RETSAT: variants seen among roughly 807,000 people sequenced by gnomAD.
RETSAT encodes the protein retinol saturase.
Under a neutral mutation model 61.6 loss-of-function variants are expected in RETSAT, and 35 were observed. The observed-to-expected ratio is 0.57, with a 90% confidence interval of 0.43 to 0.75. The LOEUF (loss-of-function observed/expected upper bound fraction) is 0.75. Among genes scored for constraint, RETSAT ranks in the 30% least tolerant of loss-of-function variants. The pLI, the probability that RETSAT is intolerant of heterozygous loss-of-function variation, is 0.00. For synonymous variants in RETSAT, 277 were observed against 310.4 expected, an observed-to-expected ratio of 0.89 and a Z score of 1.13; for missense variants, 670 against 759.5, an observed-to-expected ratio of 0.88 and a Z score of 1.38.
rs776260476 is a variant in RETSAT, at chr2:85,344,366, G to A, written c.1257-18C>T. On this transcript the variant is annotated intron_variant, in intron 7 of 10. Coordinates refer to ENST00000295802, the MANE Select transcript of RETSAT (RefSeq NM_017750.4). ...GCTCCATCCTGCATGTGACAAGAGT[G>A]TGGTGGGATCTCCAGGTTTTTGTCC... The A allele has an allele frequency of 1.2e-6, 2 of 1,611,428 alleles. No individual in the cohort carries two copies. Among genetic ancestry groups the A allele is most frequent in the Non-Finnish European group, 1.7e-6 (2 of 1,177,652 alleles).
chr2:85,352,938 G>A (rs1435390735), intron 1 of RETSAT, among the ~76,000 whole-genome samples: 1 of 152,168 alleles, frequency 6.6e-6, no homozygotes, highest in Non-Finnish European at 1.5e-5. Context: ...CACAAGATCT[G>A]TTCTTTAACA....
Position 85,343,092 on chromosome 2 carries a change from TTG to T in RETSAT, c.*148_*149del. On this transcript the variant is annotated 3_prime_UTR_variant, in exon 11 of 11. Coordinates refer to ENST00000295802, the MANE Select transcript of RETSAT (RefSeq NM_017750.4). ...TGATTCCATTGCCCCAGATTCGGAA[TTG>T]TGATTTAAACTAGGCCTCTCTTCAG... 1 of 1,134,050 alleles carries T rather than the reference TTG, an allele frequency of 8.8e-7. No homozygotes were observed. Among genetic ancestry groups the T allele is most frequent in the Non-Finnish European group, 1.3e-6 (1 of 796,640 alleles). 70.2% of individuals were successfully genotyped at this position (1,134,050 alleles called of 1,614,324 possible).
intron 6 of RETSAT, among the ~76,000 whole-genome samples, chr2:85,345,221 G>A (rs904288186): frequency 5.3e-5 from 8 of 152,180 alleles, no homozygotes; most frequent in African/African-American, 1.9e-4. Context: ...AGGAAGGAGA[G>A]GCTGGCGCTG....
At chr2:85,345,216 GGA>G (rs1683173338) in intron 6 of RETSAT, among the ~76,000 whole-genome samples, 1 of 152,198 alleles carries the variant, frequency 6.6e-6, no homozygotes, top group African/African-American at 2.4e-5. Flanking sequence ...GGTGAAGGAA[GGA>G]GAGGCTGGCG....
At chr2:85,348,744 C>A (rs912605439) in intron 5 of RETSAT, among the ~76,000 whole-genome samples, 1 of 143,456 alleles carries the variant, frequency 7.0e-6, no homozygotes, top group East Asian at 2.1e-4. Context: ...CTTTATTTTT[C>A]TTTTCTTTTC....
chr2:85,350,284 G>A lies in RETSAT; in HGVS notation c.598-43C>T, dbSNP rs190795316. On this transcript the variant is annotated intron_variant, in intron 3 of 10. Transcript: ENST00000295802. ...GACAGCAGGCCTCACCTCTAGAACC[G>A]CTTTGACAGAACTGCTATCCCCATA... 1.8e-4 allele frequency: 270 copies of A among 1,467,410 alleles called. No individual in the cohort carries two copies. The African/African-American group carries it at 2.9e-3, about 16-fold the overall frequency. The allele number at this position is 1,467,410 out of a possible 1,614,324, so 90.9% of individuals were successfully genotyped here. A position where few individuals can be genotyped will look rare whatever the true frequency, so the allele number is the denominator to read the frequency against.
chr2:85,349,057 G>A (rs1208821452), intron 5 of RETSAT, among the ~76,000 whole-genome samples: 1 of 133,336 alleles, frequency 7.5e-6, no homozygotes, highest in East Asian at 2.3e-4. Flanking sequence ...CCATATTTTT[G>A]TTTTTTTTTT....
At position 85,351,678 on chromosome 2, in the gene RETSAT, AC is replaced by A; in HGVS notation, c.355+1del. The A allele has an allele frequency of 6.2e-7, 1 of 1,613,568 alleles. No individual in the cohort carries two copies. The highest frequency in any genetic ancestry group is 8.5e-7 in the Non-Finnish European group (1 of 1,179,610). ...CCCAACCCTTTTCCACACAAGCCTTACCTGTGTCAAATTCAAGGCCATTCTT... is the reference window on the plus strand; with the variant it reads ...CCCAACCCTTTTCCACACAAGCCTTACTGTGTCAAATTCAAGGCCATTCTT... On this transcript the variant is annotated splice_donor_variant, in intron 2 of 10. Transcript: ENST00000295802. LOFTEE classifies it high-confidence loss of function.
Position 85,350,945 on chromosome 2 carries a change from C to A in RETSAT, c.432G>T (p.Leu144=), listed in dbSNP as rs552902070. 6.2e-7 allele frequency: 1 copy of A among 1,614,184 alleles called. No individual in the cohort carries two copies. The highest frequency in any genetic ancestry group is 1.1e-5 in the South Asian group (1 of 91,086). The change falls in exon 3 of 11, where the codon CTG becomes CTT. Residue 144 remains leucine, a synonymous_variant. Transcript: ENST00000295802. ...AAGGAGAGGACAGGGGAGCCCAGTC[C>A]AGCTGCCCTTCAGTGATCTGGTCCA... The part of the protein sequence containing the change: ...FILDQITEGQ[L]DWAPLSSPFD...
chr2:85,346,132 C>G, intron 5 of RETSAT, 38 bp from the exon 6 acceptor site: 1 of 1,592,258 alleles, frequency 6.3e-7, no homozygotes, highest in Non-Finnish European at 8.6e-7. Context: ...TCTGTGAGCT[C>G]TGGGATGAAG....
At position 85,344,659 on chromosome 2, in the gene RETSAT, G is replaced by A. The variant is rs1258234075; in HGVS notation, c.1191C>T (p.Thr397=). The A allele has an allele frequency of 6.2e-7, 1 of 1,614,194 alleles. No individual in the cohort carries two copies. Among genetic ancestry groups the A allele is most frequent in the Non-Finnish European group, 8.5e-7 (1 of 1,180,046 alleles). The change falls in exon 7 of 11, where the codon ACC becomes ACT. Residue 397 remains threonine (T), a synonymous_variant. Transcript: ENST00000295802. ...TGGACGGCAGATGCAGGTCTTCCTT[G>A]GTGCCTCGCAGGCAGATGAAAACAG... ...MTSVFICLRG[T]KEDLHLPSTN... is the part of the protein sequence containing the mutation.
intron 1 of RETSAT, 61 bp downstream of exon 1, chr2:85,354,275 G>C: frequency 1.3e-6 from 2 of 1,591,902 alleles, no homozygotes; most frequent in Non-Finnish European, 1.7e-6. Flanking sequence ...GGCAAAATGA[G>C]AACCCAAATC....
chr2:85,350,230 A>C lies in RETSAT; in HGVS notation c.609T>G (p.Ser203Arg), dbSNP rs1683275967. The C allele has an allele frequency of 1.9e-6, 3 of 1,613,688 alleles. No individual in the cohort carries two copies. The South Asian group carries it at 3.3e-5, about 18-fold the overall frequency. The change falls in exon 4 of 11, where the codon AGT becomes AGG. Residue 203 changes from serine (S) to arginine (R), a missense_variant. Coordinates refer to ENST00000295802, the MANE Select transcript of RETSAT (RefSeq NM_017750.4). Reference sequence around the variant, plus strand: ...TCAACAGGATGGCATGAGGGGCTCCACTGGATACCACCTGGGGGAGTGAAT... The same window carrying C: ...TCAACAGGATGGCATGAGGGGCTCCCCTGGATACCACCTGGGGGAGTGAAT... ...KYIKLVKVVSSGAPHAILLKF... is the reference protein window; with the variant it reads ...KYIKLVKVVSRGAPHAILLKF...
At chr2:85,346,430 G>A (rs1310936421) in intron 5 of RETSAT, among the ~76,000 whole-genome samples, 1 of 152,158 alleles carries the variant, frequency 6.6e-6, no homozygotes, top group Non-Finnish European at 1.5e-5. Flanking sequence ...TTTCTCTGCT[G>A]CCAGAGTTGT....
rs544597601 is a variant in RETSAT, at chr2:85,351,725, C to T, written c.310G>A (p.Gly104Ser). 5.0e-6 allele frequency: 8 copies of T among 1,614,192 alleles called. 1 individual carries two copies. The East Asian group carries it at 8.9e-5, about 18-fold the overall frequency. Residue 104 changes from glycine to serine, a missense_variant, in exon 2 of 11, where the codon GGC becomes AGC. Coordinates refer to ENST00000295802, the MANE Select transcript of RETSAT (RefSeq NM_017750.4). ...LVLEQHTKAG[G>S]CCHTFGKNGL... ...TTCTTTCCAAAGGTATGACAGCAGC[C>T]CCCTGCCTTGGTATGTTGTTCCAGC...
At chr2:85,352,886 G>A (rs1361006267) in intron 1 of RETSAT, among the ~76,000 whole-genome samples, 1 of 152,210 alleles carries the variant, frequency 6.6e-6, no homozygotes, top group Non-Finnish European at 1.5e-5. Flanking sequence ...CTTCTCAGAA[G>A]ACAAAACTGG....
At chr2:85,349,783 C>G (rs1177168949) in intron 4 of RETSAT, 2 of 631,026 alleles carry the variant, frequency 3.2e-6, no homozygotes, top group African/African-American at 3.7e-5. Flanking sequence ...GAATACCCCC[C>G]CTGCAAACTG....
chr2:85,344,354 T>C lies in RETSAT; in HGVS notation c.1257-6A>G. 1.9e-6 allele frequency: 3 copies of C among 1,613,660 alleles called. No individual in the cohort carries two copies. Among genetic ancestry groups the C allele is most frequent in the Non-Finnish European group, 2.5e-6 (3 of 1,179,616 alleles). On this transcript the variant is annotated splice_polypyrimidine_tract_variant and splice_region_variant and intron_variant, in intron 7 of 10. Transcript: ENST00000295802. ...TGGAGACGTAGCGCTCCATCCTGCA[T>C]GTGACAAGAGTGTGGTGGGATCTCC...
At chr2:85,348,914 C>T (rs1253215830) in intron 5 of RETSAT, among the ~76,000 whole-genome samples, 1 of 151,720 alleles carries the variant, frequency 6.6e-6, no homozygotes, top group Non-Finnish European at 1.5e-5. Flanking sequence ...CCATGCCCAG[C>T]TAATTTTTGT....
Sources: gnomAD v4.1 joint callset for allele counts (sites outside exome capture counted in the v4.1 genomes callset) on GRCh38, gnomAD v4.1.1 for gene constraint, MANE v1.5 for transcripts, NCBI Gene and HGNC (gene_info 2026-07-23, HGNC 2026-07-21) for gene names.